SNTG1: variants seen among roughly 807,000 people sequenced by gnomAD.
SNTG1 encodes the protein syntrophin gamma 1.
SNTG1 carries 39 observed loss-of-function variants against 74.7 expected under a neutral mutation model. The ratio of observed to expected loss-of-function variants is 0.52; its 90% CI spans 0.40 to 0.68. The LOEUF (loss-of-function observed/expected upper bound fraction) is 0.68. SNTG1 is among the 30% of genes least tolerant of loss of function. SNTG1 has a pLI of 0.00. For synonymous variants in SNTG1, 254 were observed against 217.1 expected, an observed-to-expected ratio of 1.17 and a Z score of -1.49; for missense variants, 685 against 609.5, an observed-to-expected ratio of 1.12 and a Z score of -1.30.
intron 2 of SNTG1, among the ~76,000 whole-genome samples, chr8:50,301,888 G>A (rs942586706): frequency 1.3e-5 from 2 of 149,402 alleles, no homozygotes; most frequent in African/African-American, 2.5e-5. Flanking sequence ...ACAGAGTCTC[G>A]CTCTGTTGCC....
chr8:50,731,478 T>A (rs943908070), intron 17 of SNTG1, among the ~76,000 whole-genome samples: 1 of 152,124 alleles, frequency 6.6e-6, no homozygotes, highest in African/African-American at 2.4e-5. Flanking sequence ...ACTTTCTACC[T>A]GATTGAAAAG....
chr8:50,285,516 G>C (rs192736361), intron 2 of SNTG1, among the ~76,000 whole-genome samples: 77 of 152,204 alleles, frequency 5.1e-4, no homozygotes, highest in African/African-American at 1.8e-3. Flanking sequence ...ACAAACAAAA[G>C]AGGGTATCTT....
At chr8:50,485,483 T>A (rs1199148038) in intron 8 of SNTG1, among the ~76,000 whole-genome samples, 1 of 152,206 alleles carries the variant, frequency 6.6e-6, no homozygotes, top group Non-Finnish European at 1.5e-5. Flanking sequence ...GAGAAGTGTC[T>A]GTTCATGTCC....
chr8:50,763,526 A>G (rs1245837577), intron 18 of SNTG1, among the ~76,000 whole-genome samples: 1 of 151,252 alleles, frequency 6.6e-6, no homozygotes, highest in African/African-American at 2.4e-5. Flanking sequence ...CTTTTATTTT[A>G]TTGGTTGATG....
Position 50,502,897 on chromosome 8 carries a change from A to C in SNTG1, c.466+17A>C. ...ATTGTGCATGTAAGCATTTATAAAG[A>C]ATAGATAAAAGTGCTCACATCATTA... On this transcript the variant is annotated intron_variant, in intron 9 of 18. Transcript: ENST00000642720. 3 of 1,581,552 alleles carry C rather than the reference A, an allele frequency of 1.9e-6. No individual in the cohort carries two copies. Among genetic ancestry groups the C allele is most frequent in the Non-Finnish European group, 2.6e-6 (3 of 1,152,522 alleles).
At chr8:49,915,695 T>C (rs1299598760) in intron 1 of SNTG1, among the ~76,000 whole-genome samples, 1 of 152,168 alleles carries the variant, frequency 6.6e-6, no homozygotes, top group Non-Finnish European at 1.5e-5. Context: ...GTGATATTGA[T>C]AAGGAAACTC....
chr8:50,737,006 G>A (rs2095530600), intron 17 of SNTG1, among the ~76,000 whole-genome samples: 1 of 151,852 alleles, frequency 6.6e-6, no homozygotes, highest in Non-Finnish European at 1.5e-5. Flanking sequence ...AAAAGAACTA[G>A]AGAAGTAAAA....
At chr8:50,698,057 T>C (rs141010825) in intron 15 of SNTG1, among the ~76,000 whole-genome samples, 2 of 152,280 alleles carry the variant, frequency 1.3e-5, no homozygotes, top group African/African-American at 2.4e-5. Flanking sequence ...GATCCATCTG[T>C]TCCTGGGATT....
At chr8:50,426,609 AT>A (rs1471435565) in intron 4 of SNTG1, among the ~76,000 whole-genome samples, 2 of 151,960 alleles carry the variant, frequency 1.3e-5, no homozygotes, top group Non-Finnish European at 2.9e-5. Context: ...TAAGTAAAAA[AT>A]GTTACAATAG....
chr8:49,988,261 T>C (rs1354082331), intron 1 of SNTG1, among the ~76,000 whole-genome samples: 2 of 152,100 alleles, frequency 1.3e-5, no homozygotes, highest in Non-Finnish European at 2.9e-5. Context: ...ACAAAAAAAT[T>C]AGGACACAAA....
chr8:50,731,257 G>C (rs1394949217), intron 17 of SNTG1, among the ~76,000 whole-genome samples: 2 of 152,088 alleles, frequency 1.3e-5, no homozygotes, highest in Non-Finnish European at 2.9e-5. Flanking sequence ...CACAAAAGGA[G>C]ATAAACAGGA....
intron 2 of SNTG1, among the ~76,000 whole-genome samples, chr8:50,350,792 C>G (rs568460594): frequency 6.6e-6 from 1 of 152,130 alleles, no homozygotes; most frequent in East Asian, 1.9e-4. Context: ...GTGTCTAGCT[C>G]AGGGATTGTA....
chr8:50,376,802 G>T (rs2092397039), intron 2 of SNTG1, among the ~76,000 whole-genome samples: 1 of 140,448 alleles, frequency 7.1e-6, no homozygotes, highest in African/African-American at 2.6e-5. Context: ...CTTCCCCAAG[G>T]GTTTGAAAAC....
chr8:50,663,783 A>G (rs2095237157), intron 15 of SNTG1, among the ~76,000 whole-genome samples: 1 of 152,198 alleles, frequency 6.6e-6, no homozygotes, highest in African/African-American at 2.4e-5. Context: ...AAATTAATAT[A>G]CACTTCCCAT....
intron 1 of SNTG1, among the ~76,000 whole-genome samples, chr8:50,011,372 T>C (rs1399427167): frequency 6.6e-6 from 1 of 152,156 alleles, no homozygotes; most frequent in Non-Finnish European, 1.5e-5. Context: ...ATACTTATTG[T>C]TAGCCCAATG....
At chr8:50,636,935 C>A (rs1363370296) in intron 13 of SNTG1, among the ~76,000 whole-genome samples, 1 of 152,088 alleles carries the variant, frequency 6.6e-6, no homozygotes, top group Non-Finnish European at 1.5e-5. Context: ...AACAGGTGTT[C>A]TTGATTGGCA....
chr8:50,460,914 T>C (rs1007350831), intron 8 of SNTG1, among the ~76,000 whole-genome samples: 10 of 152,130 alleles, frequency 6.6e-5, no homozygotes, highest in African/African-American at 2.4e-4. Context: ...TTAATATCTT[T>C]TGATATTATG....
At position 50,778,184 on chromosome 8, in the gene SNTG1, G is replaced by A. The variant is rs935628695; in HGVS notation, c.1396-14487G>A. Among the ~76,000 whole-genome samples the A allele has an allele frequency of 8.9e-4, 136 of 152,272 alleles. 1 individual carries two copies. The highest frequency in any genetic ancestry group is 1.3e-3 in the Non-Finnish European group (89 of 68,018). ...ACATACGTGTGCATGTATTTTTATA[G>A]CAGCATGATTTATAGTCCTTTGGGT... On this transcript the variant is annotated intron_variant, in intron 18 of 18. Coordinates refer to ENST00000642720, the MANE Select transcript of SNTG1 (RefSeq NM_018967.5).
At chr8:50,336,166 G>A (rs2091135421) in intron 2 of SNTG1, among the ~76,000 whole-genome samples, 1 of 152,150 alleles carries the variant, frequency 6.6e-6, no homozygotes. Context: ...ACTGCAAAGA[G>A]GACTGGGAAA....
Sources: gnomAD v4.1 joint callset for allele counts (sites outside exome capture counted in the v4.1 genomes callset) on GRCh38, gnomAD v4.1.1 for gene constraint, MANE v1.5 for transcripts, NCBI Gene and HGNC (gene_info 2026-07-23, HGNC 2026-07-21) for gene names.